CHRM1: variants seen among roughly 807,000 people sequenced by gnomAD.
The protein encoded by CHRM1 is muscarinic acetylcholine receptor M1.
In CHRM1, 5 loss-of-function variants were observed where a neutral mutation model predicts 31.6. The ratio of observed to expected loss-of-function variants is 0.16; its 90% CI spans 0.08 to 0.33. The LOEUF (loss-of-function observed/expected upper bound fraction) is 0.33. CHRM1 is among the 10% of genes least tolerant of loss of function. CHRM1 has a pLI of 1.00. For synonymous variants in CHRM1, 227 were observed against 249.7 expected, an observed-to-expected ratio of 0.91 and a Z score of 0.86; for missense variants, 338 against 610.3, an observed-to-expected ratio of 0.55 and a Z score of 4.70.
In CHRM1 at chr11:62,916,430, T is replaced by A. The variant is rs111947625; in HGVS notation, c.-79+4788A>T. Among the ~76,000 whole-genome samples, 564 of 152,262 alleles carry A rather than the reference T, an allele frequency of 3.7e-3. 2 individuals are homozygous for A. The highest frequency in any genetic ancestry group is 0.013 in the African/African-American group (544 of 41,570). On this transcript the variant is annotated intron_variant, in intron 1 of 1. Coordinates refer to ENST00000306960, the MANE Select transcript of CHRM1 (RefSeq NM_000738.3). ...CAAGGCTAGCTATAACTTTGGTGAA[T>A]TAAAAAATGCTTTCAGAACAGGGGA...
chr11:62,919,241 T>C (rs1234821288), intron 1 of CHRM1, among the ~76,000 whole-genome samples: 1 of 152,212 alleles, frequency 6.6e-6, no homozygotes, highest in Non-Finnish European at 1.5e-5. Context: ...CCCTGATGTC[T>C]GGCTTTGAGA....
rs770914896 is a variant in CHRM1 at position 62,909,647 on chromosome 11, A to T, written c.*71T>A. The T allele has an allele frequency of 2.0e-5, 31 of 1,537,230 alleles. No homozygotes were observed. The highest frequency in any genetic ancestry group is 2.5e-5 in the Non-Finnish European group (28 of 1,132,682). On this transcript the variant is annotated 3_prime_UTR_variant, in exon 2 of 2. Coordinates refer to ENST00000306960, the MANE Select transcript of CHRM1 (RefSeq NM_000738.3). ...CCTGAGCAGGGCCCTGGGGCTGAGG[A>T]TGCAGCCCCTGCCCTCTTCCCACCG...
chr11:62,916,509 G>A (rs1431326388), intron 1 of CHRM1, among the ~76,000 whole-genome samples: 1 of 152,200 alleles, frequency 6.6e-6, no homozygotes, highest in Admixed American at 6.5e-5. Flanking sequence ...CTCTCCTAGA[G>A]GGGTCCTTGG....
chr11:62,914,755 C>A (rs2085891411), intron 1 of CHRM1, among the ~76,000 whole-genome samples: 1 of 152,226 alleles, frequency 6.6e-6, no homozygotes, highest in African/African-American at 2.4e-5. Flanking sequence ...AGCTCTGTAT[C>A]CCTGGGCCCT....
chr11:62,920,618 A>G (rs1260208518), intron 1 of CHRM1: 1 of 152,080 alleles, frequency 6.6e-6, no homozygotes, highest in African/African-American at 2.4e-5. Context: ...TTTGTCCCCA[A>G]AGAGCCCTGG....
chr11:62,920,206 G>T (rs1394686504), intron 1 of CHRM1, among the ~76,000 whole-genome samples: 1 of 152,184 alleles, frequency 6.6e-6, no homozygotes, highest in Non-Finnish European at 1.5e-5. Flanking sequence ...ACTCCTTCCA[G>T]CCAGTTGGGC....
At chr11:62,914,485 A>T (rs2085890168) in intron 1 of CHRM1, among the ~76,000 whole-genome samples, 1 of 152,198 alleles carries the variant, frequency 6.6e-6, no homozygotes, top group Non-Finnish European at 1.5e-5. Flanking sequence ...TTTCCCTTAA[A>T]CAAAATCAGC....
chr11:62,916,232 G>A (rs986292400), intron 1 of CHRM1, among the ~76,000 whole-genome samples: 2 of 152,190 alleles, frequency 1.3e-5, no homozygotes, highest in African/African-American at 4.8e-5. Context: ...TGCAATGGAG[G>A]AGTTGGACAA....
At position 62,909,404 on chromosome 11, in the gene CHRM1, C is replaced by T; in HGVS notation, c.*314G>A. ...TTTCTCCTGGCCCGCCCTGCTGGCT[C>T]CTGACTTCCTGCCTAAAGGCAAACA... is the stretch of plus-strand genomic sequence containing the variant. On this transcript the variant is annotated 3_prime_UTR_variant, in exon 2 of 2. Transcript: ENST00000306960. 2.6e-6 allele frequency: 1 copy of T among 379,352 alleles called. No homozygotes were observed. The highest frequency in any genetic ancestry group is 4.8e-6 in the Non-Finnish European group (1 of 209,804). 23.5% of individuals were successfully genotyped at this position (379,352 alleles called of 1,614,324 possible).
rs397932657 is a variant in CHRM1 at position 62,912,385 on chromosome 11, A to AC, written c.-78-1208dup. On this transcript the variant is annotated intron_variant, in intron 1 of 1. Transcript: ENST00000306960. ...TCCATCTCAAAAAAAAAAAAAAAAA[A>AC]CCAAAAGGAAAAAAAAAAGAAGGTC... is the stretch of plus-strand genomic sequence containing the variant. Among the ~76,000 whole-genome samples the AC allele has an allele frequency of 4.6e-4, 68 of 149,324 alleles. No homozygotes were observed. In the South Asian group the frequency reaches 0.014, roughly 31 times the overall value.
In CHRM1 at chr11:62,911,159, C is replaced by T. The variant is rs2085869212; in HGVS notation, c.-59G>A. ...TTCCTCCAGGCACGCTACAGGGCTTCCTCAGGGGAAAGTCATCACCTGAAA... is the reference window on the plus strand; with the variant it reads ...TTCCTCCAGGCACGCTACAGGGCTTTCTCAGGGGAAAGTCATCACCTGAAA... On this transcript the variant is annotated 5_prime_UTR_variant, in exon 2 of 2. Transcript: ENST00000306960. 3 of 1,526,392 alleles carry T rather than the reference C, an allele frequency of 2.0e-6. No homozygotes were observed. The highest frequency in any genetic ancestry group is 3.8e-5 in the Admixed American group (2 of 53,316). The allele number at this position is 1,526,392 out of a possible 1,614,324, so 94.6% of individuals were successfully genotyped here.
chr11:62,910,036 G>T lies in CHRM1; in HGVS notation c.1065C>A (p.Phe355Leu), dbSNP rs1399306313. Residue 355 changes from phenylalanine (F) to leucine (L), a missense_variant, in exon 2 of 2, where the codon TTC (phenylalanine) becomes TTA (leucine). Coordinates refer to ENST00000306960, the MANE Select transcript of CHRM1 (RefSeq NM_000738.3). This position sits in a 1 kb window ranked among gnomAD's most constrained non-coding sequence, Gnocchi z 8.7. ...CCGCCTTCTTCTCCTTGACCAGCGA[G>T]AAGGTCTTCCGCTTGGCCAGCTGCT... Reference protein sequence around the residue: ...GKEQLAKRKTFSLVKEKKAAR... With the variant: ...GKEQLAKRKTLSLVKEKKAAR... 3 of 1,613,680 alleles carry T rather than the reference G, an allele frequency of 1.9e-6. No individual in the cohort carries two copies. Among genetic ancestry groups the T allele is most frequent in the Non-Finnish European group, 2.5e-6 (3 of 1,180,018 alleles).
At chr11:62,915,403 C>T (rs970803762) in intron 1 of CHRM1, among the ~76,000 whole-genome samples, 8 of 152,310 alleles carry the variant, frequency 5.3e-5, no homozygotes, top group African/African-American at 1.7e-4. Flanking sequence ...CCACCCTGCA[C>T]TTGCACAGCC....
In CHRM1 at chr11:62,909,291, A is replaced by T. The variant is rs1269839587; in HGVS notation, c.*427T>A. On this transcript the variant is annotated 3_prime_UTR_variant, in exon 2 of 2. Transcript: ENST00000306960. ...TGGCTTTTCTCCCAGCGGCCAGTTCAGTTTCTGGCTGTGCCCCCCAGGGGG... is the reference window on the plus strand; with the variant it reads ...TGGCTTTTCTCCCAGCGGCCAGTTCTGTTTCTGGCTGTGCCCCCCAGGGGG... 2 of 173,150 alleles carry T rather than the reference A, an allele frequency of 1.2e-5. No individual in the cohort carries two copies. Among genetic ancestry groups the T allele is most frequent in the Non-Finnish European group, 1.2e-5 (1 of 80,868 alleles). The allele number at this position is 173,150 out of a possible 1,614,324, so 10.7% of individuals were successfully genotyped here. A position where few individuals can be genotyped will look rare whatever the true frequency, so the allele number is the denominator to read the frequency against.
chr11:62,912,393 G>GA (rs141111946), intron 1 of CHRM1, among the ~76,000 whole-genome samples: 18 of 147,214 alleles, frequency 1.2e-4, no homozygotes, highest in Admixed American at 2.0e-4. Flanking sequence ...AAACCAAAAG[G>GA]AAAAAAAAAA....
intron 1 of CHRM1, chr11:62,920,529 G>A (rs1249865497): frequency 6.6e-6 from 1 of 152,186 alleles, no homozygotes; most frequent in South Asian, 2.1e-4. Flanking sequence ...CAAGATACTA[G>A]AAACATAAGG....
At chr11:62,912,226 G>A (rs2135042073) in intron 1 of CHRM1, among the ~76,000 whole-genome samples, 1 of 152,078 alleles carries the variant, frequency 6.6e-6, no homozygotes, top group South Asian at 2.1e-4. Flanking sequence ...AAATTAGCCG[G>A]GCGTGGTGGC....
At chr11:62,912,236 C>T (rs926397532) in intron 1 of CHRM1, among the ~76,000 whole-genome samples, 2 of 152,122 alleles carry the variant, frequency 1.3e-5, no homozygotes, top group South Asian at 2.1e-4. Flanking sequence ...GGCGTGGTGG[C>T]ACGCATCTGT....
Position 62,911,171 on chromosome 11 carries a change from G to C in CHRM1, c.-71C>G, listed in dbSNP as rs559594406. 4.2e-6 allele frequency: 6 copies of C among 1,432,678 alleles called. No individual in the cohort carries two copies. In the East Asian group the frequency reaches 1.4e-4, roughly 33 times the overall value. 88.7% of individuals were successfully genotyped at this position (1,432,678 alleles called of 1,614,324 possible). A position where few individuals can be genotyped will look rare whatever the true frequency, so the allele number is the denominator to read the frequency against. ...CGCTACAGGGCTTCCTCAGGGGAAA[G>C]TCATCACCTGAAAAGAGAGGACATG... On this transcript the variant is annotated 5_prime_UTR_variant, in exon 2 of 2. Transcript: ENST00000306960.
Sources: gnomAD v4.1 joint callset for allele counts (sites outside exome capture counted in the v4.1 genomes callset) on GRCh38, gnomAD v4.1.1 for gene constraint, Gnocchi (gnomAD v3.1) non-coding constraint, MANE v1.5 for transcripts, NCBI Gene and HGNC (gene_info 2026-07-23, HGNC 2026-07-21) for gene names.